The following TRPV5 variants were observed in gnomAD, a reference collection of about 807,000 sequenced individuals.
TRPV5 encodes transient receptor potential cation channel subfamily V member 5.
TRPV5 carries 66 observed loss-of-function variants against 74.1 expected under a neutral mutation model. That is an observed-to-expected ratio of 0.89 (90% confidence interval 0.73 to 1.09). The LOEUF is 1.09. TRPV5 is among the 50% of genes least tolerant of loss of function. TRPV5 has a pLI of 0.00. For synonymous variants in TRPV5, 399 were observed against 360.7 expected, an observed-to-expected ratio of 1.11 and a Z score of -1.20; for missense variants, 936 against 930.4, an observed-to-expected ratio of 1.01 and a Z score of -0.08.
Position 142,916,782 on chromosome 7 carries a change from G to C in TRPV5, c.1123-1214C>G, listed in dbSNP as rs796992298. On this transcript the variant is annotated intron_variant, in intron 8 of 14. Transcript: ENST00000265310. ...AGCAGCACACTCACCTGCCCGGTGAGAGGCAGTGCTTTTAACACAGGGAAC... is the reference window on the plus strand; with the variant it reads ...AGCAGCACACTCACCTGCCCGGTGACAGGCAGTGCTTTTAACACAGGGAAC... Among the ~76,000 whole-genome samples the C allele has an allele frequency of 3.8e-4, 58 of 152,258 alleles. 1 individual carries two copies. Among genetic ancestry groups the C allele is most frequent in the African/African-American group, 1.3e-3 (54 of 41,568 alleles).
In TRPV5 at chr7:142,931,558, T is replaced by C. The variant is rs898299591; in HGVS notation, c.129-1112A>G. Among the ~76,000 whole-genome samples, 4 of 152,232 alleles carry C rather than the reference T, an allele frequency of 2.6e-5. No homozygotes were observed. In the East Asian group the frequency reaches 5.8e-4, roughly 22 times the overall value. On this transcript the variant is annotated intron_variant, in intron 1 of 14. Transcript: ENST00000265310. The stretch of plus-strand genomic sequence containing the variant: ...GCTGGAGCCTCTCCAACTAGACATA[T>C]GTGTATTGGCCCCAAAGGCAAGCAC...
chr7:142,924,429 C>G (rs1407035818), intron 8 of TRPV5, among the ~76,000 whole-genome samples: 4 of 147,172 alleles, frequency 2.7e-5, no homozygotes, highest in Non-Finnish European at 5.9e-5. Flanking sequence ...ATTCTAAAAA[C>G]AGGAGAGATG....
chr7:142,927,122 C>G (rs1358127014), intron 7 of TRPV5, among the ~76,000 whole-genome samples: 1 of 151,930 alleles, frequency 6.6e-6, no homozygotes, highest in Admixed American at 6.5e-5. Flanking sequence ...TCTTTTTTTT[C>G]TCTCATCTTC....
At chr7:142,931,189 A>AT (rs1307855026) in intron 1 of TRPV5, among the ~76,000 whole-genome samples, 1 of 151,344 alleles carries the variant, frequency 6.6e-6, no homozygotes, top group Non-Finnish European at 1.5e-5. Flanking sequence ...CGCCCAGCTA[A>AT]TTTTTTGTAT....
rs888942170 is a variant in TRPV5, at chr7:142,929,493, G to C, written c.422C>G (p.Ala141Gly). 6.2e-7 allele frequency: 1 copy of C among 1,614,042 alleles called. No individual in the cohort carries two copies. Among genetic ancestry groups the C allele is most frequent in the Non-Finnish European group, 8.5e-7 (1 of 1,180,034 alleles). Residue 141 changes from alanine to glycine, a missense_variant, in exon 4 of 15, where the codon GCC becomes GGC. By Grantham distance (60) the Ala-to-Gly change is moderately conservative. Transcript: ENST00000265310. ...GCCTGTGGCTCTGGCAGAGACACTG[G>C]CCCTGCGGGTGAGCAGGGCACGCAC... ...NLVRALLTRR[A>G]SVSARATGTA...
chr7:142,916,004 G>A (rs1795789316), intron 8 of TRPV5, among the ~76,000 whole-genome samples: 1 of 152,170 alleles, frequency 6.6e-6, no homozygotes, highest in South Asian at 2.1e-4. Flanking sequence ...ACATATCACA[G>A]AATTCAGGTT....
rs772314285 is a variant in TRPV5 at position 142,925,558 on chromosome 7, T to C, written c.1093A>G (p.Ile365Val). ...AGTAGTTTTTGCTGGAGGATGGTGA[T>C]GTCTCGAGAATGAGTGCGGTTGCCA... ...RGGNRTHSRD[I>V]TILQQKLLQE... Residue 365 changes from isoleucine to valine, a missense_variant, in exon 8 of 15, where the codon ATC (isoleucine) becomes GTC (valine). Physicochemically the swap from Ile to Val is conservative, Grantham distance 29. Coordinates refer to ENST00000265310, the MANE Select transcript of TRPV5 (RefSeq NM_019841.7). 4 of 1,614,070 alleles carry C rather than the reference T, an allele frequency of 2.5e-6. No individual in the cohort carries two copies. Among genetic ancestry groups the C allele is most frequent in the Non-Finnish European group, 3.4e-6 (4 of 1,180,042 alleles).
chr7:142,920,365 G>C (rs1296911782), intron 8 of TRPV5, among the ~76,000 whole-genome samples: 1 of 151,856 alleles, frequency 6.6e-6, no homozygotes, highest in African/African-American at 2.4e-5. Flanking sequence ...TCAAAAAACA[G>C]TGCCAATTAT....
intron 1 of TRPV5, among the ~76,000 whole-genome samples, chr7:142,931,017 A>ATTG (rs1796082703): frequency 1.0e-5 from 1 of 100,340 alleles, no homozygotes; most frequent in African/African-American, 4.0e-5. Context: ...CCCTCAGGCT[A>ATTG]TTTTTTTTTT....
rs4252484 is a variant in TRPV5 at position 142,915,603 on chromosome 7, T to C, written c.1123-35A>G. ...GAAATTCAGAAGAAGTGCTTTCTGA[T>C]GGGCAGAGTCAAATCCTTTTGTGCA... On this transcript the variant is annotated intron_variant, in intron 8 of 14. Transcript: ENST00000265310. 3.2e-3 allele frequency: 5,068 copies of C among 1,598,236 alleles called. 149 individuals carry two copies. In the African/African-American group the frequency reaches 0.059, roughly 19 times the overall value.
intron 13 of TRPV5, among the ~76,000 whole-genome samples, chr7:142,910,692 A>T (rs894317367): frequency 6.6e-6 from 1 of 152,204 alleles, no homozygotes; most frequent in Non-Finnish European, 1.5e-5. Flanking sequence ...CTCCTAGCTC[A>T]GGACTTCCAG....
Position 142,909,572 on chromosome 7 carries a change from C to G in TRPV5, c.1813G>C (p.Glu605Gln), listed in dbSNP as rs1366214759. 6.2e-7 allele frequency: 1 copy of G among 1,614,050 alleles called. No individual in the cohort carries two copies. The highest frequency in any genetic ancestry group is 8.5e-7 in the Non-Finnish European group (1 of 1,180,034). Residue 605 changes from glutamate (E) to glutamine (Q), a missense_variant, in exon 14 of 15, where the codon GAG (glutamate) becomes CAG (glutamine). Coordinates refer to ENST00000265310, the MANE Select transcript of TRPV5 (RefSeq NM_019841.7). ...CACAGGCAGCGAGGCAGCTTCCGCT[C>G]CAGCATCACTGTGGTGGCCACGACC... ...AQVVATTVML[E>Q]RKLPRCLWPR...
chr7:142,917,471 G>A (rs967216363), intron 8 of TRPV5, among the ~76,000 whole-genome samples: 1 of 152,180 alleles, frequency 6.6e-6, no homozygotes, highest in Non-Finnish European at 1.5e-5. Context: ...GAGGATGGCT[G>A]TGAAGATCAG....
intron 8 of TRPV5, 129 bp from the exon 9 acceptor site, chr7:142,915,697 C>T: frequency 1.2e-6 from 1 of 803,540 alleles, no homozygotes; most frequent in Non-Finnish European, 1.9e-6. Context: ...ATCACCCCAC[C>T]CCCATTGTAC....
chr7:142,913,547 A>G (rs1452690137), intron 12 of TRPV5, among the ~76,000 whole-genome samples: 1 of 152,224 alleles, frequency 6.6e-6, no homozygotes, highest in East Asian at 1.9e-4. Context: ...TGTGTTATGT[A>G]TAGATGTAGA....
At chr7:142,924,300 A>AAAGG (rs1795938648) in intron 8 of TRPV5, among the ~76,000 whole-genome samples, 1 of 77,454 alleles carries the variant, frequency 1.3e-5, no homozygotes, top group African/African-American at 4.5e-5. Context: ...GTATATATAT[A>AAAGG]CATATATATA....
intron 1 of TRPV5, 57 bp from the exon 2 acceptor site, chr7:142,930,503 A>G (rs1586230264): frequency 7.9e-7 from 1 of 1,261,608 alleles, no homozygotes; most frequent in Non-Finnish European, 1.2e-6. Flanking sequence ...TGAGGCCAAG[A>G]GCAAAGGGGA....
chr7:142,913,020 A>T (rs1249343915), intron 12 of TRPV5, among the ~76,000 whole-genome samples: 4 of 152,202 alleles, frequency 2.6e-5, no homozygotes. Flanking sequence ...TAACAACAAC[A>T]AAATTGTGTG....
Position 142,912,510 on chromosome 7 carries a change from T to C in TRPV5, c.1760A>G (p.Gln587Arg), listed in dbSNP as rs1302761036. 1.9e-6 allele frequency: 3 copies of C among 1,614,224 alleles called. No homozygotes were observed. Among genetic ancestry groups the C allele is most frequent in the Admixed American group, 3.3e-5 (2 of 60,030 alleles). Residue 587 changes from glutamine to arginine, a missense_variant, in exon 13 of 15, where the codon CAG becomes CGG. Gln to Arg is a conservative substitution (Grantham distance 43). Transcript: ENST00000265310. ...MMGDTHWRVA[Q>R]ERDELWRAQV... ...GGCCCTCCAGAGCTCATCCCTCTCC[T>C]GGGCCACCCTCCAGTGGGTGTCGCC...
Sources: allele counts gnomAD v4.1 joint callset (sites outside exome capture counted in the v4.1 genomes callset), GRCh38; gene constraint gnomAD v4.1.1; transcripts MANE v1.5; gene names NCBI Gene and HGNC (gene_info 2026-07-23, HGNC 2026-07-21).